The following SUGP2 variants were observed in gnomAD, a reference collection of about 807,000 sequenced individuals.
SUGP2 encodes SURP and G-patch domain containing 2.
Under a neutral mutation model 90.5 loss-of-function variants are expected in SUGP2, and 24 were observed. That is an observed-to-expected ratio of 0.27 (90% CI 0.19 to 0.37). SUGP2 has a LOEUF of 0.37. Ranked by LOEUF, SUGP2 falls within the 10% of genes least tolerant of loss-of-function variation. The pLI, the probability that SUGP2 is intolerant of heterozygous loss-of-function variation, is 1.00. For synonymous variants in SUGP2, 473 were observed against 513.4 expected, an observed-to-expected ratio of 0.92 and a Z score of 1.06; for missense variants, 1,233 against 1,363.3, an observed-to-expected ratio of 0.90 and a Z score of 1.51.
Position 19,033,464 on chromosome 19 carries a change from CCCG to C in SUGP2, c.-42_-40del. 6.4e-6 allele frequency: 9 copies of C among 1,401,902 alleles called. No individual in the cohort carries two copies. Among genetic ancestry groups the C allele is most frequent in the South Asian group, 1.4e-5 (1 of 74,022 alleles). The allele number at this position is 1,401,902 out of a possible 1,614,324, so 86.8% of individuals were successfully genotyped here. On this transcript the variant is annotated 5_prime_UTR_variant, in exon 1 of 11. Transcript: ENST00000452918. ...CGAGACCACCGCGCGCGGAGCCACC[CCCG>C]CCGCCGCCTCAGGCTCCTCACCCGC...
rs925239763 is a variant in SUGP2 at position 18,991,665 on chromosome 19, G to C, written c.*2076C>G. 6.6e-6 allele frequency: 1 copy of C among 152,344 alleles called. No individual in the cohort carries two copies. Among genetic ancestry groups the C allele is most frequent in the African/African-American group, 2.4e-5 (1 of 41,466 alleles). The allele number at this position is 152,344 out of a possible 1,614,324, so 9.4% of individuals were successfully genotyped here. ...TGCGCTTGATCCACGCTGCAGGTGT[G>C]TGCGCCTCGCTCGGGTCAATGGGCT... On this transcript the variant is annotated 3_prime_UTR_variant, in exon 11 of 11. Coordinates refer to ENST00000452918, the MANE Select transcript of SUGP2 (RefSeq NM_001017392.5).
chr19:19,010,437 T>G, intron 4 of SUGP2, 95 bp from the exon 5 acceptor site: 1 of 1,470,542 alleles, frequency 6.8e-7, no homozygotes, highest in Non-Finnish European at 9.2e-7. Context: ...AGTGGCCAAC[T>G]CCTCACTGTC....
chr19:19,005,881 ACACACACACAC>A (rs754216522), intron 6 of SUGP2, among the ~76,000 whole-genome samples: 66,389 of 110,724 alleles, frequency 0.6, 15,589 homozygotes, highest in East Asian at 0.69. Flanking sequence ...ACACACACAC[ACACACACACAC>A]CACACACACA....
chr19:19,020,095 C>A (rs191174519), intron 3 of SUGP2, among the ~76,000 whole-genome samples: 2 of 150,526 alleles, frequency 1.3e-5, no homozygotes, highest in Non-Finnish European at 3.0e-5. Context: ...GTCAGTGATC[C>A]CAAATTACAT....
At position 19,010,150 on chromosome 19, in the gene SUGP2, C is replaced by A. The variant is rs780830463; in HGVS notation, c.2043G>T (p.Gly681=). ...KKKLLPWQRR[G]LLRAQGLRGW... The stretch of plus-strand genomic sequence containing the variant: ...CCCGGAGCCCTTGAGCACGGAGGAG[C>A]CCCCGCCGCTGCCACGGAAGGAGTT... The change falls in exon 5 of 11, where the codon GGG becomes GGT. Residue 681 remains glycine (G), a synonymous_variant. Transcript: ENST00000452918. 6.2e-7 allele frequency: 1 copy of A among 1,612,764 alleles called. No homozygotes were observed. The highest frequency in any genetic ancestry group is 8.5e-7 in the Non-Finnish European group (1 of 1,179,870).
intron 7 of SUGP2, 148 bp downstream of exon 7, chr19:19,004,020 A>T (rs1032534825): frequency 1.5e-6 from 1 of 650,734 alleles, no homozygotes; most frequent in Non-Finnish European, 2.6e-6. Flanking sequence ...CCTTCAGACC[A>T]CTGGGAAACA....
chr19:19,019,647 A>G (rs1259064783), intron 3 of SUGP2, among the ~76,000 whole-genome samples: 2 of 151,998 alleles, frequency 1.3e-5, no homozygotes, highest in African/African-American at 4.8e-5. Context: ...GGTGGGAATA[A>G]AAAATATAAA....
At position 18,990,988 on chromosome 19, in the gene SUGP2, T is replaced by C. The variant is rs573938064; in HGVS notation, c.*2753A>G. On this transcript the variant is annotated 3_prime_UTR_variant, in exon 11 of 11. Coordinates refer to ENST00000452918, the MANE Select transcript of SUGP2 (RefSeq NM_001017392.5). ...ACAGAAACAAAAGAAAACTTCCATT[T>C]TGTAACATCACAAATGTCTTCTAGG... 6.6e-6 allele frequency: 1 copy of C among 152,376 alleles called. No individual in the cohort carries two copies. Among genetic ancestry groups the C allele is most frequent in the Non-Finnish European group, 1.5e-5 (1 of 68,044 alleles). The allele number at this position is 152,376 out of a possible 1,614,324, so 9.4% of individuals were successfully genotyped here.
intron 7 of SUGP2, chr19:19,003,584 C>G (rs2057935528): frequency 6.6e-6 from 1 of 152,372 alleles, no homozygotes; most frequent in South Asian, 2.1e-4. Flanking sequence ...GGCTTCAGCT[C>G]TGCTGTACTG....
At chr19:18,999,729 C>T (rs1418392990) in intron 8 of SUGP2, among the ~76,000 whole-genome samples, 2 of 152,180 alleles carry the variant, frequency 1.3e-5, no homozygotes, top group South Asian at 2.1e-4. Context: ...CCTGGCTCCC[C>T]GCCCTCCTCC....
intron 2 of SUGP2, among the ~76,000 whole-genome samples, chr19:19,028,025 G>A (rs533814493): frequency 6.6e-6 from 1 of 152,290 alleles, no homozygotes; most frequent in East Asian, 1.9e-4. Flanking sequence ...AGGCAGAGGG[G>A]GAATGAGGAC....
chr19:19,026,236 AC>A lies in SUGP2; in HGVS notation c.122-11del. ...ACTGCCCTTAAGAGATCTGAAATAA[AC>A]CATCCAAAAAAAAAAAAGAAGAAGC... On this transcript the variant is annotated splice_polypyrimidine_tract_variant and intron_variant, in intron 2 of 10. Coordinates refer to ENST00000452918, the MANE Select transcript of SUGP2 (RefSeq NM_001017392.5). The A allele has an allele frequency of 6.7e-7, 1 of 1,498,816 alleles. No homozygotes were observed. Among genetic ancestry groups the A allele is most frequent in the Non-Finnish European group, 8.8e-7 (1 of 1,131,550 alleles). 92.8% of individuals were successfully genotyped at this position (1,498,816 alleles called of 1,614,324 possible).
rs1421653586 is a variant in SUGP2 at position 19,025,177 on chromosome 19, A to G, written c.1171T>C (p.Ser391Pro). ...CFFTIKFLKH[S>P]ALKTPRVDNE... ...TCAACTCTGGGTGTTTTCAAAGCAG[A>G]GTGCTTTAAAAATTTGATAGTAAAA... is the stretch of plus-strand genomic sequence containing the variant. The change falls in exon 3 of 11, where the codon TCT becomes CCT. Residue 391 changes from serine (S) to proline (P), a missense_variant. Coordinates refer to ENST00000452918, the MANE Select transcript of SUGP2 (RefSeq NM_001017392.5). 1 of 1,612,164 alleles carries G rather than the reference A, an allele frequency of 6.2e-7. No individual in the cohort carries two copies. Among genetic ancestry groups the G allele is most frequent in the African/African-American group, 1.3e-5 (1 of 74,844 alleles).
chr19:19,033,513 G>C lies in SUGP2; in HGVS notation c.-88C>G, dbSNP rs1236427509. 2 of 1,404,636 alleles carry C rather than the reference G, an allele frequency of 1.4e-6. No homozygotes were observed. Among genetic ancestry groups the C allele is most frequent in the African/African-American group, 1.5e-5 (1 of 65,626 alleles). 87.0% of individuals were successfully genotyped at this position (1,404,636 alleles called of 1,614,324 possible). On this transcript the variant is annotated 5_prime_UTR_variant, in exon 1 of 11. Transcript: ENST00000452918. ...CCCGCCGCCGCCGCCGCGCGAGGCG[G>C]GGACATGCAAATGAACCAACGGTCT...
At chr19:19,028,605 A>G (rs2059022006) in intron 2 of SUGP2, among the ~76,000 whole-genome samples, 1 of 152,224 alleles carries the variant, frequency 6.6e-6, no homozygotes. Flanking sequence ...AAACAGAGAA[A>G]GGCTAAACGA....
In SUGP2 at chr19:19,031,044, T is replaced by C. The variant is rs768546522; in HGVS notation, c.28A>G (p.Thr10Ala). The C allele has an allele frequency of 9.3e-6, 15 of 1,613,456 alleles. No individual in the cohort carries two copies. The East Asian group carries it at 3.1e-4, about 34-fold the overall frequency. Residue 10 changes from threonine (T) to alanine (A), a missense_variant, in exon 2 of 11, where the codon ACT becomes GCT. By Grantham distance (58) the Thr-to-Ala change is moderately conservative (BLOSUM62 0). Around this residue, in one of 8 missense-constraint regions of SUGP2, gnomAD observed 418 missense variants for 399.9 expected, o/e 1.05. Coordinates refer to ENST00000452918, the MANE Select transcript of SUGP2 (RefSeq NM_001017392.5). Reference sequence around the variant, plus strand: ...TTTTCTTGTAATACAGCATCAAAAGTCTCCTGTGTAATTCGTCTGGCTGCC... The same window carrying C: ...TTTTCTTGTAATACAGCATCAAAAGCCTCCTGTGTAATTCGTCTGGCTGCC... Reference protein sequence around the residue: MAARRITQETFDAVLQEKAK... With the variant: MAARRITQEAFDAVLQEKAK...
At chr19:18,998,225 C>T (rs1357752501) in intron 8 of SUGP2, among the ~76,000 whole-genome samples, 1 of 152,230 alleles carries the variant, frequency 6.6e-6, no homozygotes, top group African/African-American at 2.4e-5. Context: ...AACCACCTGG[C>T]CCTTCTTTGA....
chr19:19,033,500 G>A lies in SUGP2; in HGVS notation c.-75C>T, dbSNP rs1568480390. ...CTCAGGCTCCTCACCCGCCGCCGCC[G>A]CCGCGCGAGGCGGGGACATGCAAAT... is the stretch of plus-strand genomic sequence containing the variant. On this transcript the variant is annotated 5_prime_UTR_variant, in exon 1 of 11. Coordinates refer to ENST00000452918, the MANE Select transcript of SUGP2 (RefSeq NM_001017392.5). 6 of 1,405,530 alleles carry A rather than the reference G, an allele frequency of 4.3e-6. No homozygotes were observed. The highest frequency in any genetic ancestry group is 5.6e-6 in the Non-Finnish European group (6 of 1,078,898). 87.1% of individuals were successfully genotyped at this position (1,405,530 alleles called of 1,614,324 possible).
intron 8 of SUGP2, among the ~76,000 whole-genome samples, chr19:18,996,532 T>C (rs930925697): frequency 2.0e-5 from 3 of 152,000 alleles, no homozygotes; most frequent in Admixed American, 1.3e-4. Flanking sequence ...ACTATAGGTA[T>C]GTGCCACTGC....
Sources: gnomAD v4.1 joint callset for allele counts (sites outside exome capture counted in the v4.1 genomes callset) on GRCh38, gnomAD v4.1.1 for gene constraint, gnomAD v4.1.1 regional missense constraint, MANE v1.5 for transcripts, NCBI Gene and HGNC (gene_info 2026-07-23, HGNC 2026-07-21) for gene names.